The following AMZ1 variants were observed in gnomAD, a reference collection of about 807,000 sequenced individuals.
AMZ1 encodes archaelysin family metallopeptidase 1, also known as archaemetzincin-1.
A neutral mutation model predicts 29.9 loss-of-function variants in AMZ1; 39 were observed. The observed-to-expected ratio is 1.30, with a 90% confidence interval of 1.01 to 1.70. The LOEUF (loss-of-function observed/expected upper bound fraction) is 1.70, where lower values mean the gene tolerates loss of function less well. Ranked by LOEUF, AMZ1 falls within the 40% of genes most tolerant of loss-of-function variation. AMZ1 has a pLI of 0.00. For synonymous variants in AMZ1, 458 were observed against 304.0 expected, an observed-to-expected ratio of 1.51 and a Z score of -5.27; for missense variants, 1,041 against 680.6, an observed-to-expected ratio of 1.53 and a Z score of -5.89.
chr7:2,749,672 T>TA (rs963682737), intron 4 of AMZ1, among the ~76,000 whole-genome samples: 10 of 149,838 alleles, frequency 6.7e-5, no homozygotes, highest in Admixed American at 2.0e-4. Flanking sequence ...AATAATAAAA[T>TA]AAAAAAAAAG....
At chr7:2,708,934 G>A in intron 4 of AMZ1, 141 bp from the exon 5 acceptor site, 3 of 1,281,620 alleles carry the variant, frequency 2.3e-6, no homozygotes, top group Non-Finnish European at 3.2e-6. Context: ...CCAACTTCAT[G>A]TGGGCAGGAC....
At chr7:2,683,754 A>G (rs1394119804), upstream of AMZ1, among the ~76,000 whole-genome samples, 1 of 151,852 alleles carries the variant, frequency 6.6e-6, no homozygotes, top group East Asian at 2.0e-4. Context: ...GTTTTTTACA[A>G]TATTTTGTAG....
downstream of AMZ1, among the ~76,000 whole-genome samples, chr7:2,720,535 C>T (rs1270212482): frequency 6.6e-6 from 1 of 151,990 alleles, no homozygotes; most frequent in Non-Finnish European, 1.5e-5. Context: ...TCCCAAGTAG[C>T]TGGGACTACA....
intron 3 of AMZ1, 147 bp from the exon 4 acceptor site, chr7:2,708,441 G>C (rs1023042832): frequency 1.6e-6 from 2 of 1,243,986 alleles, no homozygotes; most frequent in Non-Finnish European, 1.1e-6. Context: ...GTGCCCTCAG[G>C]TCACACCAAA....
At chr7:2,735,463 G>A (rs1790121118) in intron 4 of AMZ1, among the ~76,000 whole-genome samples, 1 of 151,722 alleles carries the variant, frequency 6.6e-6, no homozygotes, top group African/African-American at 2.4e-5. Context: ...GGACACACGT[G>A]CTCCGCCCAG....
chr7:2,708,604 C>T lies in AMZ1; in HGVS notation c.489C>T (p.Phe163=). 6 of 1,612,848 alleles carry T rather than the reference C, an allele frequency of 3.7e-6. No individual in the cohort carries two copies. Among genetic ancestry groups the T allele is most frequent in the Non-Finnish European group, 5.1e-6 (6 of 1,179,938 alleles). ...TCCCCGCAGACGGCATCCTGTCCTT[C>T]TTGAAGAACAACAAGCCAGGGGACG... ...LQLHTDGILS[F]LKNNKPGDAL... The change falls in exon 4 of 7, where the codon TTC becomes TTT. Residue 163 remains phenylalanine (F), a synonymous_variant. Transcript: ENST00000683327.
At chr7:2,705,897 C>T (rs537593502) in intron 3 of AMZ1, among the ~76,000 whole-genome samples, 2 of 152,356 alleles carry the variant, frequency 1.3e-5, no homozygotes, top group East Asian at 3.9e-4. Flanking sequence ...GCTCTCCTCA[C>T]CTCCCCCACG....
downstream of AMZ1, among the ~76,000 whole-genome samples, chr7:2,723,105 A>G (rs916882601): frequency 6.6e-6 from 1 of 152,090 alleles, no homozygotes; most frequent in African/African-American, 2.4e-5. Context: ...TGTAGAAATT[A>G]TATGTGACTT....
At position 2,712,525 on chromosome 7, in the gene AMZ1, G is replaced by A; in HGVS notation, c.1144G>A (p.Glu382Lys). 1 of 1,608,582 alleles carries A rather than the reference G, an allele frequency of 6.2e-7. No individual in the cohort carries two copies. Among genetic ancestry groups the A allele is most frequent in the South Asian group, 1.1e-5 (1 of 90,620 alleles). The change falls in exon 7 of 7, where the codon GAG (glutamate) becomes AAG (lysine). Residue 382 changes from glutamate to lysine, a missense_variant. Transcript: ENST00000683327. ...AGSHTFASGP[E>K]EGLSYLAASE... ...GAGTCACACCTTCGCCTCGGGGCCA[G>A]AGGAAGGGCTGAGCTACCTGGCAGC...
rs1379851115 is a variant in AMZ1 at position 2,714,350 on chromosome 7, T to G, written c.*1472T>G. 6.6e-6 allele frequency: 1 copy of G among 152,410 alleles called. No individual in the cohort carries two copies. The allele number at this position is 152,410 out of a possible 1,614,324, so 9.4% of individuals were successfully genotyped here. A position where few individuals can be genotyped will look rare whatever the true frequency, so the allele number is the denominator to read the frequency against. On this transcript the variant is annotated 3_prime_UTR_variant, in exon 7 of 7. Coordinates refer to ENST00000683327, the MANE Select transcript of AMZ1 (RefSeq NM_001384743.1). ...GTGGGCTGAGGCTTCCTTGTGAATC[T>G]GACATTGGTGGAGGCCGACTGAAGG...
upstream of AMZ1, chr7:2,688,133 G>A (rs889807185): frequency 5.3e-5 from 8 of 152,358 alleles, no homozygotes; most frequent in African/African-American, 1.7e-4. Context: ...CCTGCCCGCG[G>A]CCCCACACCG....
At chr7:2,721,404 CCA>C (rs1339698550), downstream of AMZ1, among the ~76,000 whole-genome samples, 1 of 152,226 alleles carries the variant, frequency 6.6e-6, no homozygotes, top group Non-Finnish European at 1.5e-5. Context: ...GAATCCACTG[CCA>C]CACACATTCT....
chr7:2,726,830 T>G (rs1789640251), intron 4 of AMZ1, among the ~76,000 whole-genome samples: 1 of 152,194 alleles, frequency 6.6e-6, no homozygotes, highest in African/African-American at 2.4e-5. Context: ...ACGGTGCCCT[T>G]GCTTCCTGTG....
chr7:2,691,881 C>T (rs1654644890), intron 1 of AMZ1, among the ~76,000 whole-genome samples: 1 of 152,152 alleles, frequency 6.6e-6, no homozygotes, highest in South Asian at 2.1e-4. Flanking sequence ...CACAGACCAT[C>T]CTGGGCATCT....
intron 1 of AMZ1, among the ~76,000 whole-genome samples, chr7:2,698,018 A>C (rs969578671): frequency 5.3e-5 from 8 of 152,230 alleles, no homozygotes; most frequent in Non-Finnish European, 1.0e-4. Context: ...TATATAAATT[A>C]CATATATCAA....
upstream of AMZ1, among the ~76,000 whole-genome samples, chr7:2,684,073 G>T (rs932836807): frequency 6.6e-6 from 1 of 152,006 alleles, no homozygotes; most frequent in African/African-American, 2.4e-5. Context: ...AGCTACTCAG[G>T]AGGCTGAAGC....
At chr7:2,757,841 T>G (rs1184678413) in intron 4 of AMZ1, among the ~76,000 whole-genome samples, 1 of 152,232 alleles carries the variant, frequency 6.6e-6, no homozygotes, top group African/African-American at 2.4e-5. Context: ...ACATGTGTTT[T>G]TTCAAACCTG....
intron 4 of AMZ1, among the ~76,000 whole-genome samples, chr7:2,749,390 TGTCA>T (rs1190581268): frequency 2.6e-5 from 4 of 152,054 alleles, no homozygotes; most frequent in African/African-American, 9.7e-5. Context: ...AAACCATCAT[TGTCA>T]GCAAACTATT....
At chr7:2,724,847 A>G (rs894560115) in intron 4 of AMZ1, among the ~76,000 whole-genome samples, 5 of 152,110 alleles carry the variant, frequency 3.3e-5, no homozygotes, top group African/African-American at 1.2e-4. Context: ...CACAATGACA[A>G]TGTCCGGGAA....
Sources: allele counts gnomAD v4.1 joint callset (sites outside exome capture counted in the v4.1 genomes callset), GRCh38; gene constraint gnomAD v4.1.1; transcripts MANE v1.5; gene names NCBI Gene and HGNC (gene_info 2026-07-23, HGNC 2026-07-21).